Variants in IL15 observed in about 807,000 individuals in gnomAD.
IL15 encodes the protein interleukin-15.
In IL15, 11 loss-of-function variants were observed where a neutral mutation model predicts 19.6. The observed-to-expected ratio is 0.56, with a 90% CI of 0.35 to 0.93. IL15 has a LOEUF of 0.93. IL15 is among the 40% of genes least tolerant of loss of function. IL15 has a pLI of 0.01. For synonymous variants in IL15, 58 were observed against 59.6 expected, an observed-to-expected ratio of 0.97 and a Z score of 0.12; for missense variants, 197 against 186.5, an observed-to-expected ratio of 1.06 and a Z score of -0.33.
intron 2 of IL15, among the ~76,000 whole-genome samples, chr4:141,712,374 G>T (rs1208787181): frequency 6.6e-6 from 1 of 151,936 alleles, no homozygotes; most frequent in Non-Finnish European, 1.5e-5. Flanking sequence ...CTGCCCTGGA[G>T]AATTATACTA....
chr4:141,644,946 T>C (rs547701825), intron 1 of IL15, among the ~76,000 whole-genome samples: 10 of 152,300 alleles, frequency 6.6e-5, no homozygotes, highest in Admixed American at 2.6e-4. Flanking sequence ...CTGTGGCTCT[T>C]AACTTCATCT....
At position 141,650,362 on chromosome 4, in the gene IL15, T is replaced by C. The variant is rs1727364111; in HGVS notation, c.-221-5824T>C. ...TGTGAGATGAAAAAATCCCTCAATG[T>C]CTACTAGTAACTGCGCTTTAGATAT... On this transcript the variant is annotated intron_variant, in intron 1 of 7. Transcript: ENST00000320650. 2.6e-5 allele frequency among the ~76,000 whole-genome samples: 4 copies of C among 152,100 alleles called. No homozygotes were observed. The South Asian group carries it at 8.3e-4, about 31-fold the overall frequency.
intron 2 of IL15, among the ~76,000 whole-genome samples, chr4:141,690,205 G>T (rs1010953802): frequency 2.0e-5 from 3 of 152,160 alleles, no homozygotes; most frequent in Admixed American, 6.5e-5. Flanking sequence ...GCCCGCAAGC[G>T]CCGCACGCAG....
chr4:141,716,789 G>A (rs1454830373), intron 2 of IL15: 5 of 152,288 alleles, frequency 3.3e-5, no homozygotes, highest in African/African-American at 7.2e-5. Flanking sequence ...GCTGCCTGAG[G>A]CCTTAGGGGT....
At chr4:141,725,756 A>G (rs1730239865) in intron 5 of IL15, among the ~76,000 whole-genome samples, 1 of 152,168 alleles carries the variant, frequency 6.6e-6, no homozygotes, top group Non-Finnish European at 1.5e-5. Context: ...CTAAGCAGGG[A>G]TATCTTCTCT....
intron 2 of IL15, among the ~76,000 whole-genome samples, chr4:141,689,826 GA>G (rs1728846638): frequency 1.3e-5 from 2 of 152,248 alleles, no homozygotes; most frequent in Admixed American, 1.3e-4. Context: ...GCTGCAGGTG[GA>G]GCTGCCTGCC....
chr4:141,722,425 G>A (rs551141100), intron 5 of IL15, among the ~76,000 whole-genome samples: 1 of 152,236 alleles, frequency 6.6e-6, no homozygotes, highest in East Asian at 1.9e-4. Flanking sequence ...ACCAGCTTCA[G>A]TGGAAGTCTC....
At chr4:141,720,438 T>G (rs1227395591) in intron 3 of IL15, 31 bp from the exon 4 acceptor site, 1 of 1,129,512 alleles carries the variant, frequency 8.9e-7, no homozygotes, top group East Asian at 2.4e-5. Flanking sequence ...ACTAAAAAAT[T>G]TAACCATTTG....
At chr4:141,652,611 T>G (rs1340151167) in intron 1 of IL15, among the ~76,000 whole-genome samples, 3 of 152,098 alleles carry the variant, frequency 2.0e-5, no homozygotes, top group Admixed American at 2.0e-4. Context: ...ACGTGATACA[T>G]TTCATGTGAA....
At chr4:141,638,088 T>TA (rs1726922610) in intron 1 of IL15, among the ~76,000 whole-genome samples, 1 of 152,000 alleles carries the variant, frequency 6.6e-6, no homozygotes, top group African/African-American at 2.4e-5. Context: ...AATAAATGAA[T>TA]AAAAAAGATA....
chr4:141,682,380 A>G (rs926185662), intron 2 of IL15, among the ~76,000 whole-genome samples: 2 of 152,214 alleles, frequency 1.3e-5, no homozygotes, highest in African/African-American at 4.8e-5. Context: ...AATAGTGATC[A>G]TTGAATCTCA....
At chr4:141,729,204 G>A (rs1265296432) in intron 6 of IL15, among the ~76,000 whole-genome samples, 21 of 152,050 alleles carry the variant, frequency 1.4e-4, no homozygotes, top group Admixed American at 1.4e-3. Flanking sequence ...TACTGTGCAA[G>A]GTATCGAGGA....
Position 141,729,932 on chromosome 4 carries a change from A to T in IL15, c.326A>T (p.Asp109Val), listed in dbSNP as rs1027020131. The T allele has an allele frequency of 1.9e-6, 3 of 1,599,824 alleles. No individual in the cohort carries two copies. The highest frequency in any genetic ancestry group is 2.6e-6 in the Non-Finnish European group (3 of 1,167,066). ...GAGTCCGGAGATGCAAGTATTCATG[A>T]TACAGTAGAAAATCTGATCATCCTA... ...SLESGDASIH[D>V]TVENLIILAN... The change falls in exon 7 of 8, where the codon GAT becomes GTT. Residue 109 changes from aspartate (D) to valine (V), a missense_variant. Asp to Val is a radical substitution (Grantham distance 152, BLOSUM62 -3). Transcript: ENST00000320650.
chr4:141,673,736 A>G (rs1401964968), intron 2 of IL15, among the ~76,000 whole-genome samples: 1 of 152,214 alleles, frequency 6.6e-6, no homozygotes, highest in Non-Finnish European at 1.5e-5. Flanking sequence ...TTTATATCAT[A>G]CATATAAACT....
chr4:141,728,683 T>G (rs565101531), intron 6 of IL15, among the ~76,000 whole-genome samples: 2 of 152,108 alleles, frequency 1.3e-5, no homozygotes, highest in Non-Finnish European at 2.9e-5. Context: ...GAACTTCTCT[T>G]ACATAGATGA....
chr4:141,680,829 T>C (rs1406517591), intron 2 of IL15, among the ~76,000 whole-genome samples: 1 of 152,228 alleles, frequency 6.6e-6, no homozygotes, highest in African/African-American at 2.4e-5. Context: ...ATGTTCTTTA[T>C]ATTCAACAAT....
intron 2 of IL15, among the ~76,000 whole-genome samples, chr4:141,662,806 C>A (rs1028151767): frequency 9.9e-5 from 15 of 150,826 alleles, no homozygotes; most frequent in African/African-American, 3.1e-4. Context: ...ATATTACATT[C>A]TATCTAATGA....
At chr4:141,723,934 G>A (rs1730177001) in intron 5 of IL15, among the ~76,000 whole-genome samples, 2 of 152,062 alleles carry the variant, frequency 1.3e-5, no homozygotes, top group Admixed American at 6.6e-5. Flanking sequence ...ACTAATGGAA[G>A]TACTAGACAG....
At chr4:141,705,026 C>T (rs1051845310) in intron 2 of IL15, among the ~76,000 whole-genome samples, 17 of 151,162 alleles carry the variant, frequency 1.1e-4, no homozygotes, top group African/African-American at 3.4e-4. Flanking sequence ...AAAGCCAAAT[C>T]TTTGTTTTGG....
Sources: allele counts gnomAD v4.1 joint callset (sites outside exome capture counted in the v4.1 genomes callset), GRCh38; gene constraint gnomAD v4.1.1; transcripts MANE v1.5; gene names NCBI Gene and HGNC (gene_info 2026-07-23, HGNC 2026-07-21).